The following DIPK2A variants were observed in gnomAD, a reference collection of about 807,000 sequenced individuals.
DIPK2A encodes the protein Golgi Protein of 49 kDa.
In DIPK2A, 27 loss-of-function variants were observed where a neutral mutation model predicts 39.0. That is an observed-to-expected ratio of 0.69 (90% CI 0.51 to 0.96). DIPK2A has a LOEUF of 0.96. Among genes scored for constraint, DIPK2A ranks in the 40% least tolerant of loss-of-function variants. The pLI, the probability that DIPK2A is intolerant of heterozygous loss-of-function variation, is 0.00. For synonymous variants in DIPK2A, 298 were observed against 240.8 expected, an observed-to-expected ratio of 1.24 and a Z score of -2.20; for missense variants, 528 against 571.3, an observed-to-expected ratio of 0.92 and a Z score of 0.77.
chr3:143,986,790 C>T (rs556077375), intron 2 of DIPK2A, among the ~76,000 whole-genome samples: 156 of 146,642 alleles, frequency 1.1e-3, no homozygotes, highest in African/African-American at 3.6e-3. Flanking sequence ...GCATCAAGAA[C>T]AAAGCCTGTA....
At position 143,989,614 on chromosome 3, in the gene DIPK2A, G is replaced by A; in HGVS notation, c.1066G>A (p.Val356Met). Residue 356 changes from valine (V) to methionine (M), a missense_variant, in exon 3 of 3, where the codon GTG becomes ATG. Val to Met is a conservative substitution (Grantham distance 21). This residue lies in a region of DIPK2A where 219 missense variants were observed against 281.5 expected (regional missense o/e 0.78). Transcript: ENST00000315691. The stretch of plus-strand genomic sequence containing the variant: ...AGAAATTCTTTGTGCTCGTGCCACT[G>A]TGGACCACAATTACTATGCTGTTTG... ...SKEILCARAT[V>M]DHNYYAVCQN... The A allele has an allele frequency of 6.2e-7, 1 of 1,614,216 alleles. No homozygotes were observed. The highest frequency in any genetic ancestry group is 2.2e-5 in the East Asian group (1 of 44,884).
chr3:143,990,985 A>G lies in DIPK2A; in HGVS notation c.*1144A>G, dbSNP rs913019504. ...TGTTTGAATTTAATCGGGCATCATA[A>G]CTTTTCATTTATTGAGGAACTAATC... On this transcript the variant is annotated 3_prime_UTR_variant, in exon 3 of 3. Coordinates refer to ENST00000315691, the MANE Select transcript of DIPK2A (RefSeq NM_173552.5). The G allele has an allele frequency of 2.0e-5, 3 of 152,312 alleles. No individual in the cohort carries two copies. Among genetic ancestry groups the G allele is most frequent in the African/African-American group, 7.2e-5 (3 of 41,456 alleles). 9.4% of individuals were successfully genotyped at this position (152,312 alleles called of 1,614,324 possible). A position where few individuals can be genotyped will look rare whatever the true frequency, so the allele number is the denominator to read the frequency against.
At position 143,972,470 on chromosome 3, in the gene DIPK2A, C is replaced by G. The variant is rs1344677860; in HGVS notation, c.138C>G (p.Asp46Glu). 6 of 1,605,228 alleles carry G rather than the reference C, an allele frequency of 3.7e-6. No homozygotes were observed. Among genetic ancestry groups the G allele is most frequent in the Admixed American group, 1.7e-5 (1 of 59,572 alleles). Residue 46 changes from aspartate (D) to glutamate (E), a missense_variant, in exon 1 of 3, where the codon GAC becomes GAG. Physicochemically the swap from Asp to Glu is conservative, Grantham distance 45. Around this residue, in one of 2 missense-constraint regions of DIPK2A, gnomAD observed 309 missense variants for 289.8 expected, o/e 1.07. Transcript: ENST00000315691. ...CTTGGCAGCGCAACGAACTGACCGACCGGCGCTTCCTGCAGCTCAATAAGT... is the reference window on the plus strand; with the variant it reads ...CTTGGCAGCGCAACGAACTGACCGAGCGGCGCTTCCTGCAGCTCAATAAGT... ...LASWQRNELT[D>E]RRFLQLNKCP... is the part of the protein sequence containing the mutation.
At position 143,972,357 on chromosome 3, in the gene DIPK2A, C is replaced by G; in HGVS notation, c.25C>G (p.Leu9Val). 2 of 1,375,708 alleles carry G rather than the reference C, an allele frequency of 1.5e-6. No individual in the cohort carries two copies. The highest frequency in any genetic ancestry group is 5.8e-5 in the East Asian group (2 of 34,464). 85.2% of individuals were successfully genotyped at this position (1,375,708 alleles called of 1,614,324 possible). Residue 9 changes from leucine to valine, a missense_variant, in exon 1 of 3, where the codon CTG becomes GTG. Physicochemically the swap from Leu to Val is conservative, Grantham distance 32 (BLOSUM62 1). This residue lies in a region of DIPK2A where 309 missense variants were observed against 289.8 expected (regional missense o/e 1.07). Transcript: ENST00000315691. MWRLVPPK[L>V]GRLSRSLKLA... ...TATGTGGCGCCTGGTGCCCCCGAAG[C>G]TGGGCCGCCTGTCCCGCTCGCTGAA...
At chr3:143,973,197 T>C in intron 1 of DIPK2A, 1 of 1,014,448 alleles carries the variant, frequency 9.9e-7, no homozygotes, top group Non-Finnish European at 1.5e-6. Flanking sequence ...AGTCTGCTCT[T>C]GTTACCTAGA....
chr3:143,976,469 G>A (rs2087729813), intron 1 of DIPK2A, among the ~76,000 whole-genome samples: 1 of 151,238 alleles, frequency 6.6e-6, no homozygotes, highest in Admixed American at 6.6e-5. Flanking sequence ...AAGATCACAA[G>A]TTATTGTTGA....
intron 1 of DIPK2A, among the ~76,000 whole-genome samples, chr3:143,980,503 G>T (rs893371502): frequency 6.6e-6 from 1 of 152,088 alleles, no homozygotes; most frequent in African/African-American, 2.4e-5. Context: ...CTGACCTTAG[G>T]TGATCTGCCC....
chr3:143,988,217 G>A (rs1230462450), intron 2 of DIPK2A, among the ~76,000 whole-genome samples: 1 of 151,874 alleles, frequency 6.6e-6, no homozygotes, highest in Non-Finnish European at 1.5e-5. Flanking sequence ...TCCTGCCTCA[G>A]CATCCCAAGT....
chr3:143,978,622 C>CTATATATATA (rs60796376), intron 1 of DIPK2A: 1 of 121,648 alleles, frequency 8.2e-6, no homozygotes, highest in Non-Finnish European at 1.8e-5. Context: ...ATATCTATAT[C>CTATATATATA]TATATATATA....
chr3:143,973,109 C>A, intron 1 of DIPK2A, 120 bp downstream of exon 1: 2 of 1,363,932 alleles, frequency 1.5e-6, no homozygotes, highest in Non-Finnish European at 2.0e-6. Flanking sequence ...CTGGGCCAGG[C>A]TGCAGGCGTG....
intron 1 of DIPK2A, among the ~76,000 whole-genome samples, chr3:143,979,635 A>G (rs2107842762): frequency 6.6e-6 from 1 of 152,318 alleles, no homozygotes; most frequent in East Asian, 1.9e-4. Flanking sequence ...GTCAGTTGAG[A>G]CTAGTAAACT....
At chr3:143,984,896 G>T (rs190379516) in intron 1 of DIPK2A, among the ~76,000 whole-genome samples, 46 of 152,222 alleles carry the variant, frequency 3.0e-4, no homozygotes, top group African/African-American at 9.9e-4. Flanking sequence ...TTTGGATGTA[G>T]GGTAAAAGAC....
At chr3:143,982,450 T>A (rs537178722) in intron 1 of DIPK2A, among the ~76,000 whole-genome samples, 7 of 152,186 alleles carry the variant, frequency 4.6e-5, no homozygotes, top group Non-Finnish European at 8.8e-5. Flanking sequence ...ATATTCAACA[T>A]TCTTAAAGGA....
At position 143,972,770 on chromosome 3, in the gene DIPK2A, C is replaced by G. The variant is rs753285843; in HGVS notation, c.438C>G (p.Phe146Leu). Residue 146 changes from phenylalanine to leucine, a missense_variant, in exon 1 of 3, where the codon TTC becomes TTG. Transcript: ENST00000315691. ...DLLQAMPRTE[F>L]ARLNGDVRLL... Reference sequence around the variant, plus strand: ...TGCAGGCCATGCCCCGGACCGAGTTCGCGCGCCTCAACGGCGACGTGCGTC... The same window carrying G: ...TGCAGGCCATGCCCCGGACCGAGTTGGCGCGCCTCAACGGCGACGTGCGTC... The G allele has an allele frequency of 1.9e-6, 3 of 1,572,092 alleles. No homozygotes were observed. The highest frequency in any genetic ancestry group is 1.1e-5 in the South Asian group (1 of 87,400).
In DIPK2A at chr3:143,989,879, G is replaced by T. The variant is rs2087956307; in HGVS notation, c.*38G>T. ...TTTTCTTTTTTTCTCCATTTAAACAGCACTGGCTAAAACTAAACCACCAAA... is the reference window on the plus strand; with the variant it reads ...TTTTCTTTTTTTCTCCATTTAAACATCACTGGCTAAAACTAAACCACCAAA... On this transcript the variant is annotated 3_prime_UTR_variant, in exon 3 of 3. Transcript: ENST00000315691. 1.3e-6 allele frequency: 2 copies of T among 1,502,350 alleles called. No individual in the cohort carries two copies. Among genetic ancestry groups the T allele is most frequent in the Non-Finnish European group, 1.8e-6 (2 of 1,095,818 alleles). The allele number at this position is 1,502,350 out of a possible 1,614,324, so 93.1% of individuals were successfully genotyped here. A position where few individuals can be genotyped will look rare whatever the true frequency, so the allele number is the denominator to read the frequency against.
chr3:143,981,798 A>G (rs910053674), intron 1 of DIPK2A, among the ~76,000 whole-genome samples: 1 of 152,174 alleles, frequency 6.6e-6, no homozygotes, highest in Non-Finnish European at 1.5e-5. Flanking sequence ...TTTTGAATTC[A>G]TTTTGACTGT....
At chr3:143,980,567 C>T (rs2087813666) in intron 1 of DIPK2A, among the ~76,000 whole-genome samples, 1 of 152,052 alleles carries the variant, frequency 6.6e-6, no homozygotes. Context: ...CGCGCCTGGC[C>T]CCTTTAAGCA....
At chr3:143,977,644 TC>T (rs2107840657) in intron 1 of DIPK2A, among the ~76,000 whole-genome samples, 1 of 152,240 alleles carries the variant, frequency 6.6e-6, no homozygotes, top group South Asian at 2.1e-4. Context: ...GTAACTGTCT[TC>T]CTAGATTTCG....
chr3:143,985,194 A>C (rs888539436), intron 1 of DIPK2A, among the ~76,000 whole-genome samples: 3 of 152,248 alleles, frequency 2.0e-5, no homozygotes, highest in African/African-American at 7.2e-5. Context: ...GGATTGGTTG[A>C]TTACATTTAC....
Sources: gnomAD v4.1 joint callset for allele counts (sites outside exome capture counted in the v4.1 genomes callset) on GRCh38, gnomAD v4.1.1 for gene constraint, gnomAD v4.1.1 regional missense constraint, MANE v1.5 for transcripts, NCBI Gene and HGNC (gene_info 2026-07-23, HGNC 2026-07-21) for gene names.